The following MAP2K4 variants were observed in gnomAD, a reference collection of about 807,000 sequenced individuals.
The protein encoded by MAP2K4 is dual specificity mitogen-activated protein kinase kinase 4.
In MAP2K4, 4 loss-of-function variants were observed where a neutral mutation model predicts 48.5. That is an observed-to-expected ratio of 0.08 (90% CI 0.04 to 0.19). The LOEUF is 0.19. MAP2K4 is among the 10% of genes least tolerant of loss of function. The pLI, the probability that MAP2K4 is intolerant of heterozygous loss-of-function variation, is 1.00. For missense variants in MAP2K4, 258 were observed against 493.3 expected (o/e 0.52, Z 4.52); for synonymous variants, 166 against 173.1 (o/e 0.96, Z 0.32).
At chr17:12,100,752 C>T (rs1333168208) in intron 4 of MAP2K4, among the ~76,000 whole-genome samples, 1 of 152,014 alleles carries the variant, frequency 6.6e-6, no homozygotes, top group Non-Finnish European at 1.5e-5. Context: ...AATCTTTAGC[C>T]GTTCTAGTAA....
intron 5 of MAP2K4, among the ~76,000 whole-genome samples, chr17:12,109,962 A>C (rs1972249678): frequency 6.6e-6 from 1 of 152,024 alleles, no homozygotes; most frequent in Non-Finnish European, 1.5e-5. Context: ...AACCCTGTCC[A>C]TACTAAAGAT....
chr17:12,072,811 C>T (rs1356784283), intron 2 of MAP2K4, among the ~76,000 whole-genome samples: 1 of 152,104 alleles, frequency 6.6e-6, no homozygotes, highest in East Asian at 1.9e-4. Flanking sequence ...TTTTCCTTTT[C>T]TCATCGACAT....
At chr17:12,040,309 C>G (rs912366990) in intron 1 of MAP2K4, among the ~76,000 whole-genome samples, 2 of 152,138 alleles carry the variant, frequency 1.3e-5, no homozygotes, top group African/African-American at 4.8e-5. Flanking sequence ...CGACTGAAAG[C>G]AAATTATAGT....
chr17:12,065,819 A>G (rs993464428), intron 2 of MAP2K4, among the ~76,000 whole-genome samples: 1 of 152,176 alleles, frequency 6.6e-6, no homozygotes, highest in African/African-American at 2.4e-5. Context: ...CAAAGCACCT[A>G]TGTATTTCGA....
chr17:12,140,072 A>G (rs3730333), intron 10 of MAP2K4, among the ~76,000 whole-genome samples, 188 bp downstream of exon 10: 88 of 152,326 alleles, frequency 5.8e-4, no homozygotes, highest in African/African-American at 1.9e-3. Flanking sequence ...TTTTTCTACT[A>G]ATACTAGCTA....
intron 3 of MAP2K4, among the ~76,000 whole-genome samples, chr17:12,083,381 G>C (rs1345822388): frequency 6.6e-6 from 1 of 152,198 alleles, no homozygotes; most frequent in Non-Finnish European, 1.5e-5. Flanking sequence ...TGGCTACTGT[G>C]ACAGTTCCAG....
At chr17:12,076,963 A>G (rs1971032828) in intron 2 of MAP2K4, among the ~76,000 whole-genome samples, 1 of 152,116 alleles carries the variant, frequency 6.6e-6, no homozygotes, top group African/African-American at 2.4e-5. Flanking sequence ...AGAACTTGGA[A>G]TGACTTATGA....
At chr17:12,090,174 G>A (rs549711356) in intron 3 of MAP2K4, among the ~76,000 whole-genome samples, 2 of 152,150 alleles carry the variant, frequency 1.3e-5, no homozygotes, top group Non-Finnish European at 2.9e-5. Flanking sequence ...GCAGGAATGG[G>A]ATCAGGTAAC....
chr17:12,027,542 A>G (rs1197252708), intron 1 of MAP2K4, among the ~76,000 whole-genome samples: 5 of 152,180 alleles, frequency 3.3e-5, no homozygotes, highest in African/African-American at 9.7e-5. Flanking sequence ...GGAATCAAGC[A>G]AAGTGTTACC....
chr17:12,042,794 T>C (rs1054292484), intron 1 of MAP2K4, among the ~76,000 whole-genome samples: 2 of 152,206 alleles, frequency 1.3e-5, no homozygotes, highest in African/African-American at 4.8e-5. Flanking sequence ...ACGCCTGTAA[T>C]CCCAGCACTT....
At chr17:12,098,485 A>G (rs1971831806) in intron 4 of MAP2K4, among the ~76,000 whole-genome samples, 1 of 151,756 alleles carries the variant, frequency 6.6e-6, no homozygotes, top group African/African-American at 2.4e-5. Context: ...CTCAAAAAAA[A>G]AAAAAAAGTA....
Position 12,088,548 on chromosome 17 carries a change from C to CTAATATATAATATATATTAAATATA in MAP2K4, c.394-7000_394-6976dup, listed in dbSNP as rs1567653724. 4.8e-4 allele frequency among the ~76,000 whole-genome samples: 63 copies of CTAATATATAATATATATTAAATATA among 130,118 alleles called. 1 individual carries two copies. The highest frequency in any genetic ancestry group is 1.6e-3 in the African/African-American group (57 of 34,856). 85.4% of individuals were successfully genotyped at this position (130,118 alleles called of 152,430 possible). A position where few individuals can be genotyped will look rare whatever the true frequency, so the allele number is the denominator to read the frequency against. On this transcript the variant is annotated intron_variant, in intron 3 of 10. Coordinates refer to ENST00000353533, the MANE Select transcript of MAP2K4 (RefSeq NM_003010.4). The stretch of plus-strand genomic sequence containing the variant: ...ATATATAATATATATTAAATTATAT[C>CTAATATATAATATATATTAAATATA]TAATATATAATATATATTAAATATA...
chr17:12,027,768 G>A (rs989677368), intron 1 of MAP2K4, among the ~76,000 whole-genome samples: 2 of 152,112 alleles, frequency 1.3e-5, no homozygotes, highest in Admixed American at 1.3e-4. Flanking sequence ...GCTGTGCCTA[G>A]GAAGGGTTGT....
intron 8 of MAP2K4, 144 bp downstream of exon 8, chr17:12,125,515 A>G: frequency 1.5e-6 from 1 of 654,296 alleles, no homozygotes; most frequent in South Asian, 1.9e-5. Flanking sequence ...AAAAAAAAGT[A>G]TGTATTTATT....
chr17:12,132,331 C>G (rs72821288), intron 9 of MAP2K4, among the ~76,000 whole-genome samples: 4 of 152,172 alleles, frequency 2.6e-5, no homozygotes, highest in Non-Finnish European at 5.9e-5. Context: ...ATTAGAAACT[C>G]TCTCCACAGT....
At chr17:12,045,775 G>T (rs1050440823) in intron 1 of MAP2K4, among the ~76,000 whole-genome samples, 2 of 152,144 alleles carry the variant, frequency 1.3e-5, no homozygotes, top group Non-Finnish European at 2.9e-5. Context: ...ACTGTTGACT[G>T]TTGTACATAG....
chr17:12,096,368 A>G (rs1299728327), intron 4 of MAP2K4, among the ~76,000 whole-genome samples: 1 of 152,022 alleles, frequency 6.6e-6, no homozygotes, highest in Admixed American at 6.5e-5. Flanking sequence ...CCAGCTCTCA[A>G]TCCACTTACT....
At chr17:12,065,256 A>ATT (rs1970574325) in intron 2 of MAP2K4, among the ~76,000 whole-genome samples, 9 of 57,022 alleles carry the variant, frequency 1.6e-4, no homozygotes, top group Non-Finnish European at 1.9e-4. Context: ...ATATATATAC[A>ATT]TATATTATTA....
intron 9 of MAP2K4, among the ~76,000 whole-genome samples, chr17:12,138,138 C>CA (rs34626011): frequency 6.6e-6 from 1 of 152,074 alleles, no homozygotes; most frequent in Non-Finnish European, 1.5e-5. Context: ...CTCAGACACT[C>CA]AAATATTCAC....
Sources: allele counts gnomAD v4.1 joint callset (sites outside exome capture counted in the v4.1 genomes callset), GRCh38; gene constraint gnomAD v4.1.1; transcripts MANE v1.5; gene names NCBI Gene and HGNC (gene_info 2026-07-23, HGNC 2026-07-21).